VRTN: variants seen among roughly 807,000 people sequenced by gnomAD.
The protein encoded by VRTN is vertnin.
Under a neutral mutation model 18.2 loss-of-function variants are expected in VRTN, and 5 were observed. The ratio of observed to expected loss-of-function variants is 0.27; its 90% CI spans 0.14 to 0.58. The LOEUF is 0.58. Ranked by LOEUF, VRTN falls within the 20% of genes least tolerant of loss-of-function variation. The pLI, the probability that VRTN is intolerant of heterozygous loss-of-function variation, is 0.91. For synonymous variants in VRTN, 381 were observed against 393.7 expected, an observed-to-expected ratio of 0.97 and a Z score of 0.38; for missense variants, 741 against 939.4, an observed-to-expected ratio of 0.79 and a Z score of 2.76.
intron 1 of VRTN, among the ~76,000 whole-genome samples, chr14:74,332,515 C>T (rs111451619): frequency 0.034 from 5,151 of 151,508 alleles, 159 homozygotes; most frequent in African/African-American, 0.076. Flanking sequence ...CCACCTTGCC[C>T]GGCTAATTTT....
At chr14:74,341,517 C>A (rs985082305) in intron 2 of VRTN, among the ~76,000 whole-genome samples, 3 of 152,116 alleles carry the variant, frequency 2.0e-5, no homozygotes, top group Admixed American at 2.0e-4. Context: ...TATTGCATGT[C>A]TCTTTATTTA....
intron 1 of VRTN, among the ~76,000 whole-genome samples, chr14:74,318,357 G>A (rs950073356): frequency 2.0e-5 from 3 of 150,958 alleles, no homozygotes; most frequent in Non-Finnish European, 4.4e-5. Context: ...CGCAACCTCC[G>A]CCTCCTGGAT....
At chr14:74,325,763 C>T (rs559199424) in intron 1 of VRTN, among the ~76,000 whole-genome samples, 2 of 152,096 alleles carry the variant, frequency 1.3e-5, no homozygotes, top group East Asian at 3.9e-4. Context: ...GAGTGAGACC[C>T]TGTTTCAAAA....
chr14:74,331,432 G>A (rs1413638981), intron 1 of VRTN, among the ~76,000 whole-genome samples: 2 of 149,792 alleles, frequency 1.3e-5, no homozygotes, highest in Non-Finnish European at 3.0e-5. Context: ...AGGAGGTTGA[G>A]GTAGGAGAAT....
chr14:74,334,278 C>T (rs1027444127), intron 1 of VRTN, among the ~76,000 whole-genome samples: 1 of 152,196 alleles, frequency 6.6e-6, no homozygotes, highest in African/African-American at 2.4e-5. Context: ...CCTGTAATAC[C>T]AGCACTTTGG....
At chr14:74,320,376 T>A (rs2085446265) in intron 1 of VRTN, among the ~76,000 whole-genome samples, 1 of 143,802 alleles carries the variant, frequency 7.0e-6, no homozygotes. Flanking sequence ...TTCTCCTGCC[T>A]CAGCCTCCCA....
At chr14:74,340,746 A>T (rs1401633545) in intron 2 of VRTN, among the ~76,000 whole-genome samples, 1 of 152,148 alleles carries the variant, frequency 6.6e-6, no homozygotes, top group Non-Finnish European at 1.5e-5. Flanking sequence ...TGAAATAACA[A>T]TTTATTTTTA....
At chr14:74,320,436 G>A (rs1245821591) in intron 1 of VRTN, among the ~76,000 whole-genome samples, 1 of 148,780 alleles carries the variant, frequency 6.7e-6, no homozygotes, top group Non-Finnish European at 1.5e-5. Flanking sequence ...CTAAATTTTT[G>A]TATTTTTAGT....
At chr14:74,342,714 T>A (rs2085615108) in intron 2 of VRTN, among the ~76,000 whole-genome samples, 1 of 152,040 alleles carries the variant, frequency 6.6e-6, no homozygotes, top group Non-Finnish European at 1.5e-5. Context: ...CACAGCTCAC[T>A]ACAACCTTGA....
intron 1 of VRTN, among the ~76,000 whole-genome samples, chr14:74,314,683 A>G (rs1221386576): frequency 1.3e-5 from 2 of 152,162 alleles, no homozygotes; most frequent in Non-Finnish European, 2.9e-5. Context: ...GATTACAGGC[A>G]TGAGCCACTG....
upstream of VRTN, chr14:74,302,998 C>T (rs891226234): frequency 4.4e-6 from 6 of 1,354,700 alleles, no homozygotes; most frequent in Non-Finnish European, 5.9e-6. Flanking sequence ...CCCCGGCTAC[C>T]ACAGAGACGG....
rs1005463739 is a variant in VRTN, at chr14:74,359,303, C to T, written c.*411C>T. ...AAAAGGAGTGTTATAGCATGATCAT[C>T]GGTCCCACTGGGCAGAACGTTATCT... is the stretch of plus-strand genomic sequence containing the variant. On this transcript the variant is annotated 3_prime_UTR_variant, in exon 2 of 2. Coordinates refer to ENST00000256362, the MANE Select transcript of VRTN (RefSeq NM_018228.3). The T allele has an allele frequency of 4.5e-5, 8 of 178,522 alleles. No homozygotes were observed. The highest frequency in any genetic ancestry group is 6.0e-5 in the Admixed American group (1 of 16,544). The allele number at this position is 178,522 out of a possible 1,614,324, so 11.1% of individuals were successfully genotyped here.
At position 74,322,152 on chromosome 14, in the gene VRTN, AT is replaced by A. The variant is rs532973803; in HGVS notation, c.-163-15558del. Among the ~76,000 whole-genome samples, 341 of 143,248 alleles carry A rather than the reference AT, an allele frequency of 2.4e-3. 1 individual carries two copies. Among genetic ancestry groups the A allele is most frequent in the Middle Eastern group, 0.011 (3 of 280 alleles). The allele number at this position is 143,248 out of a possible 152,430, so 94.0% of individuals were successfully genotyped here. A position where few individuals can be genotyped will look rare whatever the true frequency, so the allele number is the denominator to read the frequency against. On this transcript the variant is annotated intron_variant, in intron 1 of 2. Coordinates refer to the VRTN transcript ENST00000557177. ...TGAGCCACCGTGCCCGGCTCCCCAT[AT>A]TTTTTTTTTTTTGAGACAGGGTCTC...
chr14:74,332,627 G>A (rs2140202638), intron 1 of VRTN, among the ~76,000 whole-genome samples: 1 of 151,934 alleles, frequency 6.6e-6, no homozygotes, highest in Admixed American at 6.6e-5. Flanking sequence ...AAAGTGCTGG[G>A]ATTACAGGCG....
At chr14:74,310,397 C>CA (rs1204317705) in intron 1 of VRTN, among the ~76,000 whole-genome samples, 2,520 of 59,102 alleles carry the variant, frequency 0.043, 84 homozygotes, top group African/African-American at 0.12. Context: ...AACTCTGTCT[C>CA]AAAAAAAAAA....
chr14:74,310,118 C>T lies in VRTN; in HGVS notation c.-164+6942C>T, dbSNP rs147535758. ...GCAGCTATTAATAAGAAGGAGATGG[C>T]CGGGTGCCATGGCTCACGCCTGTAA... On this transcript the variant is annotated intron_variant, in intron 1 of 2. Transcript: ENST00000557177. 4.9e-3 allele frequency among the ~76,000 whole-genome samples: 751 copies of T among 152,252 alleles called. 16 individuals carry two copies. Among genetic ancestry groups the T allele is most frequent in the Admixed American group, 0.045 (684 of 15,282 alleles).
chr14:74,325,937 A>G (rs1206159707), intron 1 of VRTN, among the ~76,000 whole-genome samples: 1 of 152,196 alleles, frequency 6.6e-6, no homozygotes, highest in Non-Finnish European at 1.5e-5. Context: ...TGGGCCAGGC[A>G]TTGTGCAAAG....
chr14:74,354,905 C>A (rs1287530971), intron 1 of VRTN, among the ~76,000 whole-genome samples: 1 of 151,740 alleles, frequency 6.6e-6, no homozygotes, highest in Admixed American at 6.6e-5. Context: ...ACTTTGGGAA[C>A]CTGAGGCGGG....
intron 1 of VRTN, among the ~76,000 whole-genome samples, chr14:74,312,740 C>T (rs1034519015): frequency 2.7e-5 from 4 of 148,860 alleles, no homozygotes; most frequent in East Asian, 2.0e-4. Flanking sequence ...CACGCACCAC[C>T]GCACCTGGCC....
Sources: allele counts gnomAD v4.1 joint callset (sites outside exome capture counted in the v4.1 genomes callset), GRCh38; gene constraint gnomAD v4.1.1; transcripts MANE v1.5; gene names NCBI Gene and HGNC (gene_info 2026-07-23, HGNC 2026-07-21).